KCNH6: variants seen among roughly 807,000 people sequenced by gnomAD.
KCNH6 encodes the protein potassium voltage-gated channel subfamily H member 6.
Under a neutral mutation model 83.4 loss-of-function variants are expected in KCNH6, and 81 were observed. That is an observed-to-expected ratio of 0.97 (90% confidence interval 0.81 to 1.17). KCNH6 has a LOEUF of 1.17. Ranked by LOEUF, KCNH6 falls within the 50% of genes most tolerant of loss-of-function variation. The pLI is 0.00. For synonymous variants in KCNH6, 503 were observed against 545.6 expected, an observed-to-expected ratio of 0.92 and a Z score of 1.09; for missense variants, 1,203 against 1,290.5, an observed-to-expected ratio of 0.93 and a Z score of 1.04.
In KCNH6 at chr17:63,545,978, G is replaced by A. The variant is rs1329995646; in HGVS notation, c.*76G>A. ...TTAAGGATCTTGGGGAGGTGGCCGG[G>A]TGCAGTGGCTCGCCTGTAATCCCAG... On this transcript the variant is annotated 3_prime_UTR_variant, in exon 13 of 13. Transcript: ENST00000314672. 7.0e-7 allele frequency: 1 copy of A among 1,421,234 alleles called. No individual in the cohort carries two copies. Among genetic ancestry groups the A allele is most frequent in the Non-Finnish European group, 9.7e-7 (1 of 1,031,304 alleles). The allele number at this position is 1,421,234 out of a possible 1,614,324, so 88.0% of individuals were successfully genotyped here. A position where few individuals can be genotyped will look rare whatever the true frequency, so the allele number is the denominator to read the frequency against.
intron 3 of KCNH6, 26 bp downstream of exon 3, chr17:63,530,278 G>A: frequency 6.2e-7 from 1 of 1,613,712 alleles, no homozygotes; most frequent in Non-Finnish European, 8.5e-7. Flanking sequence ...GGTGGTGGTG[G>A]GAGGGACGCA....
intron 9 of KCNH6, among the ~76,000 whole-genome samples, chr17:63,543,284 T>G (rs2032969093): frequency 6.8e-6 from 1 of 145,990 alleles, no homozygotes; most frequent in African/African-American, 2.5e-5. Context: ...CTCCTCAGTT[T>G]CTCCCCTCCC....
Position 63,535,634 on chromosome 17 carries a change from A to T in KCNH6, c.1102-35A>T. The T allele has an allele frequency of 6.4e-7, 1 of 1,559,298 alleles. No homozygotes were observed. The highest frequency in any genetic ancestry group is 8.7e-7 in the Non-Finnish European group (1 of 1,147,838). ...CCTGACTGCACCCTTCCAAGGGCTG[A>T]CCCCAGCCCTGTGACCATTTCCCTA... is the stretch of plus-strand genomic sequence containing the variant. On this transcript the variant is annotated intron_variant, in intron 5 of 12. Coordinates refer to ENST00000314672, the MANE Select transcript of KCNH6 (RefSeq NM_001278919.2). The surrounding 1 kb of genome is among the most constrained non-coding windows in gnomAD (Gnocchi z 4.9).
Position 63,544,263 on chromosome 17 carries a change from CT to C in KCNH6, c.2249del (p.Leu750ArgfsTer35), listed in dbSNP as rs2033032853. The C allele has an allele frequency of 6.3e-7, 1 of 1,588,658 alleles. No individual in the cohort carries two copies. The highest frequency in any genetic ancestry group is 1.7e-5 in the Admixed American group (1 of 57,650). The part of the protein sequence containing the change: ...SDNQSDAAPP[L>X]SISDASGLWP... ...CCCTCCTGCAGATGCAGCCCCTCCC[CT>C]GAGCATCTCAGATGCATCTGGCCTC... On this transcript the variant is annotated frameshift_variant, in exon 11 of 13. Transcript: ENST00000314672. LOFTEE classifies it high-confidence loss of function.
rs770378146 is a variant in KCNH6, at chr17:63,530,130, AGAAC to A, written c.350_353del (p.Asn117ArgfsTer242). 1.7e-5 allele frequency: 27 copies of A among 1,613,978 alleles called. No homozygotes were observed. The highest frequency in any genetic ancestry group is 2.2e-5 in the Non-Finnish European group (26 of 1,180,036). On this transcript the variant is annotated frameshift_variant, in exon 3 of 13. Coordinates refer to ENST00000314672, the MANE Select transcript of KCNH6 (RefSeq NM_001278919.2). LOFTEE classifies it high-confidence loss of function. ...TGCCTGGTAGATGTGGTGCCCGTGAAGAACGAGGACGGGGCTGTCATCATGTTCA... is the reference window on the plus strand; with the variant it reads ...TGCCTGGTAGATGTGGTGCCCGTGAAGAGGACGGGGCTGTCATCATGTTCA...
At chr17:63,536,694 C>T (rs2032519532) in intron 6 of KCNH6, among the ~76,000 whole-genome samples, 1 of 151,580 alleles carries the variant, frequency 6.6e-6, no homozygotes, top group African/African-American at 2.4e-5. Context: ...TGGTGGCTCA[C>T]TCCTGTAATC....
intron 8 of KCNH6, among the ~76,000 whole-genome samples, chr17:63,539,466 C>T (rs1428476167): frequency 6.6e-6 from 1 of 152,240 alleles, no homozygotes; most frequent in Non-Finnish European, 1.5e-5. Context: ...GTCCTCACCC[C>T]ACTGTCTCCT....
At chr17:63,540,257 C>T (rs553777445) in intron 8 of KCNH6, among the ~76,000 whole-genome samples, 2 of 152,236 alleles carry the variant, frequency 1.3e-5, no homozygotes, top group South Asian at 4.1e-4. Flanking sequence ...GATGATGAAA[C>T]CCCATCCCTA....
rs145293059 is a variant in KCNH6, at chr17:63,532,966, C to T, written c.676-920C>T. Among the ~76,000 whole-genome samples the T allele has an allele frequency of 7.4e-3, 1,133 of 152,270 alleles. 8 individuals are homozygous for T. The highest frequency in any genetic ancestry group is 0.02 in the Middle Eastern group (6 of 294). ...CCTCACTACCCATGGCTTTTGTTGT[C>T]CTTTGTGATTCCATTTTGCAGATGA... is the stretch of plus-strand genomic sequence containing the variant. On this transcript the variant is annotated intron_variant, in intron 4 of 12. Coordinates refer to ENST00000314672, the MANE Select transcript of KCNH6 (RefSeq NM_001278919.2).
chr17:63,534,998 A>G lies in KCNH6; in HGVS notation c.1102-671A>G, dbSNP rs1370668873. Among the ~76,000 whole-genome samples the G allele has an allele frequency of 6.6e-6, 1 of 151,618 alleles. No homozygotes were observed. The highest frequency in any genetic ancestry group is 2.4e-5 in the African/African-American group (1 of 41,220). On this transcript the variant is annotated intron_variant, in intron 5 of 12. Transcript: ENST00000314672. This position sits in a 1 kb window ranked among gnomAD's most constrained non-coding sequence, Gnocchi z 5.0. ...CCTTCGTACTCACTTGTGTCCCATCACCAAACTTGCCAGTCTCCCGCCCCT... is the reference window on the plus strand; with the variant it reads ...CCTTCGTACTCACTTGTGTCCCATCGCCAAACTTGCCAGTCTCCCGCCCCT...
downstream of KCNH6, chr17:63,548,708 C>A (rs2033194439): frequency 6.6e-6 from 1 of 152,078 alleles, no homozygotes; most frequent in African/African-American, 2.4e-5. Flanking sequence ...GGATAAATAT[C>A]ATTATTTTTT....
Position 63,534,179 on chromosome 17 carries a change from T to C in KCNH6, c.969T>C (p.Tyr323=), listed in dbSNP as rs2032321820. 6.3e-7 allele frequency: 1 copy of C among 1,590,372 alleles called. No homozygotes were observed. The highest frequency in any genetic ancestry group is 8.6e-7 in the Non-Finnish European group (1 of 1,165,720). ...TCGTCATCAACTTCCGCACCACCTA[T>C]GTCAACACCAATGATGAGGTGGTCA... ...VDIVINFRTT[Y]VNTNDEVVSH... is the part of the protein sequence containing the mutation. Residue 323 remains tyrosine (Y), a synonymous_variant, in exon 5 of 13, where the codon TAT becomes TAC. Transcript: ENST00000314672. This position sits in a 1 kb window ranked among gnomAD's most constrained non-coding sequence, Gnocchi z 5.0.
rs943045149 is a variant in KCNH6, at chr17:63,533,829, C to T, written c.676-57C>T. 2 of 1,536,296 alleles carry T rather than the reference C, an allele frequency of 1.3e-6. No homozygotes were observed. The highest frequency in any genetic ancestry group is 1.4e-5 in the African/African-American group (1 of 74,026). On this transcript the variant is annotated intron_variant, in intron 4 of 12. Coordinates refer to ENST00000314672, the MANE Select transcript of KCNH6 (RefSeq NM_001278919.2). The surrounding 1 kb of genome is among the most constrained non-coding windows in gnomAD (Gnocchi z 4.1). Reference sequence around the variant, plus strand: ...CTTCCCCAGGCCTCAGCCCTCTAGGCCAGTCTCACCAGCAGTGGCTGCCCC... The same window carrying T: ...CTTCCCCAGGCCTCAGCCCTCTAGGTCAGTCTCACCAGCAGTGGCTGCCCC...
At chr17:63,529,573 C>G (rs1043027714) in intron 2 of KCNH6, among the ~76,000 whole-genome samples, 2 of 152,188 alleles carry the variant, frequency 1.3e-5, no homozygotes, top group African/African-American at 4.8e-5. Flanking sequence ...CCATGCCTGC[C>G]CCCCAAGGAC....
At chr17:63,543,510 G>A in intron 9 of KCNH6, 66 bp from the exon 10 acceptor site, 1 of 979,876 alleles carries the variant, frequency 1.0e-6, no homozygotes, top group Non-Finnish European at 1.6e-6. Flanking sequence ...GGTCAGGGCA[G>A]GGAAGAACAA....
In KCNH6 at chr17:63,541,495, C is replaced by T. The variant is rs115644220; in HGVS notation, c.1955-746C>T. On this transcript the variant is annotated intron_variant, in intron 8 of 12. Coordinates refer to ENST00000314672, the MANE Select transcript of KCNH6 (RefSeq NM_001278919.2). ...GTTTTTAGTAGAGATGCGGTTTCAC[C>T]GTGTTGGCCAGACTGGTCTCGAACC... is the stretch of plus-strand genomic sequence containing the variant. Among the ~76,000 whole-genome samples, 792 of 148,698 alleles carry T rather than the reference C, an allele frequency of 5.3e-3. 11 individuals carry two copies. The highest frequency in any genetic ancestry group is 0.02 in the African/African-American group (757 of 38,242).
Position 63,538,128 on chromosome 17 carries a change from C to T in KCNH6, c.1565C>T (p.Thr522Ile). Residue 522 changes from threonine (T) to isoleucine (I), a missense_variant, in exon 7 of 13, where the codon ACC becomes ATC. Coordinates refer to ENST00000314672, the MANE Select transcript of KCNH6 (RefSeq NM_001278919.2). The surrounding 1 kb of genome is among the most constrained non-coding windows in gnomAD (Gnocchi z 4.0). ...ATCATCCAGCGCCTGTACTCGGGCA[C>T]CGCGCGCTACCACACGCAGATGCTG... is the stretch of plus-strand genomic sequence containing the variant. ...SAIIQRLYSG[T>I]ARYHTQMLRV... 2 of 1,614,150 alleles carry T rather than the reference C, an allele frequency of 1.2e-6. No individual in the cohort carries two copies. The highest frequency in any genetic ancestry group is 1.7e-6 in the Non-Finnish European group (2 of 1,180,026).
chr17:63,533,903 G>A lies in KCNH6; in HGVS notation c.693G>A (p.Ala231=), dbSNP rs772657780. 1.5e-5 allele frequency: 24 copies of A among 1,613,254 alleles called. No individual in the cohort carries two copies. The highest frequency in any genetic ancestry group is 1.8e-5 in the Non-Finnish European group (21 of 1,179,718). ...ACCCCCAGGTCCTGTCCCTGGGCGC[G>A]GATGTGCTGCCGGAGTACAAGCTGC... ...EKVTQVLSLG[A]DVLPEYKLQA... Residue 231 remains alanine, a synonymous_variant, in exon 5 of 13, where the codon GCG becomes GCA. Transcript: ENST00000314672. The surrounding 1 kb of genome is among the most constrained non-coding windows in gnomAD (Gnocchi z 4.1).
intron 8 of KCNH6, among the ~76,000 whole-genome samples, chr17:63,539,111 G>A (rs1598004056): frequency 6.6e-6 from 1 of 152,310 alleles, no homozygotes; most frequent in East Asian, 1.9e-4. Context: ...GCACTGGGCA[G>A]GGGGGACAGA....
Sources: gnomAD v4.1 joint callset for allele counts (sites outside exome capture counted in the v4.1 genomes callset) on GRCh38, gnomAD v4.1.1 for gene constraint, Gnocchi (gnomAD v3.1) non-coding constraint, MANE v1.5 for transcripts, NCBI Gene and HGNC (gene_info 2026-07-23, HGNC 2026-07-21) for gene names.